PPP2R2B: variants seen among roughly 807,000 people sequenced by gnomAD.
PPP2R2B encodes serine/threonine-protein phosphatase 2A 55 kDa regulatory subunit B beta isoform.
PPP2R2B carries 5 observed loss-of-function variants against 46.0 expected under a neutral mutation model. The ratio of observed to expected loss-of-function variants is 0.11; its 90% CI spans 0.06 to 0.23. The LOEUF is 0.23. Ranked by LOEUF, PPP2R2B falls within the 10% of genes least tolerant of loss-of-function variation. The pLI, the probability that PPP2R2B is intolerant of heterozygous loss-of-function variation, is 1.00. For synonymous variants in PPP2R2B, 215 were observed against 206.7 expected, an observed-to-expected ratio of 1.04 and a Z score of -0.34; for missense variants, 367 against 575.0, an observed-to-expected ratio of 0.64 and a Z score of 3.70.
chr5:146,903,103 T>TA (rs1370157754), intron 1 of PPP2R2B, among the ~76,000 whole-genome samples: 1 of 152,180 alleles, frequency 6.6e-6, no homozygotes, highest in Non-Finnish European at 1.5e-5. Flanking sequence ...AAGAGATTTA[T>TA]AAAAAACATA....
At chr5:146,696,079 G>A (rs1333660364) in intron 4 of PPP2R2B, among the ~76,000 whole-genome samples, 4 of 150,844 alleles carry the variant, frequency 2.7e-5, no homozygotes, top group East Asian at 3.9e-4. Flanking sequence ...CCATCCCCCC[G>A]CCAACAAAGT....
At chr5:147,051,399 G>A (rs1756810289) in intron 1 of PPP2R2B, among the ~76,000 whole-genome samples, 3 of 152,200 alleles carry the variant, frequency 2.0e-5, no homozygotes, top group Admixed American at 2.0e-4. Flanking sequence ...TCATGGTGCT[G>A]AAGCTGCTTC....
At chr5:147,038,366 G>C (rs969593487) in intron 1 of PPP2R2B, among the ~76,000 whole-genome samples, 4 of 152,030 alleles carry the variant, frequency 2.6e-5, no homozygotes, top group Non-Finnish European at 4.4e-5. Context: ...GTGTCCCCTG[G>C]GGATTGAATT....
chr5:147,015,475 G>T (rs1754963264), intron 1 of PPP2R2B, among the ~76,000 whole-genome samples: 1 of 151,426 alleles, frequency 6.6e-6, no homozygotes, highest in African/African-American at 2.4e-5. Context: ...CAATCTGAAG[G>T]TCCAAGTTTT....
intron 2 of PPP2R2B, among the ~76,000 whole-genome samples, chr5:146,845,939 C>T (rs1759976826): frequency 6.6e-6 from 1 of 152,156 alleles, no homozygotes; most frequent in African/African-American, 2.4e-5. Flanking sequence ...CTTGAAATGA[C>T]ACCAGTCTGA....
At chr5:146,824,071 A>G (rs2151337450) in intron 2 of PPP2R2B, among the ~76,000 whole-genome samples, 1 of 152,332 alleles carries the variant, frequency 6.6e-6, no homozygotes, top group South Asian at 2.1e-4. Flanking sequence ...ATAAGCAGCT[A>G]AGCCACAAAT....
chr5:146,646,233 G>A lies in PPP2R2B; in HGVS notation c.625+4314C>T, dbSNP rs12519188. The stretch of plus-strand genomic sequence containing the variant: ...TGAGGGCTAGTCTTTATTTTTACTC[G>A]ATATGGGCCTATTTAATAGATCCCA... On this transcript the variant is annotated intron_variant, in intron 6 of 9. Coordinates refer to ENST00000394411, the MANE Select transcript of PPP2R2B (RefSeq NM_181675.4). Among the ~76,000 whole-genome samples, 414 of 152,206 alleles carry A rather than the reference G, an allele frequency of 2.7e-3. 9 individuals are homozygous for A. The highest frequency in any genetic ancestry group is 0.025 in the Admixed American group (377 of 15,286).
chr5:146,700,562 C>T (rs750951767), intron 3 of PPP2R2B, among the ~76,000 whole-genome samples: 7 of 152,104 alleles, frequency 4.6e-5, no homozygotes, highest in Non-Finnish European at 5.9e-5. Flanking sequence ...TTTACTCAGA[C>T]GCTAGTTTGT....
intron 2 of PPP2R2B, among the ~76,000 whole-genome samples, chr5:146,725,660 C>G (rs1751821212): frequency 3.9e-5 from 6 of 152,180 alleles, no homozygotes; most frequent in Admixed American, 3.9e-4. Flanking sequence ...CAATATGGCA[C>G]TTACTTTATA....
chr5:146,896,555 C>G (rs1434262489), intron 1 of PPP2R2B, among the ~76,000 whole-genome samples: 2 of 152,210 alleles, frequency 1.3e-5, no homozygotes, highest in Non-Finnish European at 2.9e-5. Context: ...AACACCTAAA[C>G]AGTCACCAGG....
chr5:146,670,610 T>G (rs571459345), intron 5 of PPP2R2B, among the ~76,000 whole-genome samples: 1 of 152,046 alleles, frequency 6.6e-6, no homozygotes, highest in Non-Finnish European at 1.5e-5. Flanking sequence ...ATTCTCTTGT[T>G]TTAGCCTTCT....
chr5:146,640,421 C>T lies in PPP2R2B; in HGVS notation c.626-2006G>A, dbSNP rs570066919. Among the ~76,000 whole-genome samples the T allele has an allele frequency of 2.6e-5, 4 of 152,326 alleles. No individual in the cohort carries two copies. In the South Asian group the frequency reaches 8.3e-4, roughly 32 times the overall value. The stretch of plus-strand genomic sequence containing the variant: ...ACATGCTGTGGAGCAAGAGCCTGTG[C>T]CCCTCAGGAGGAGGCTCTAGGCTGC... On this transcript the variant is annotated intron_variant, in intron 6 of 9. Coordinates refer to ENST00000394411, the MANE Select transcript of PPP2R2B (RefSeq NM_181675.4).
intron 2 of PPP2R2B, among the ~76,000 whole-genome samples, chr5:146,812,021 A>C (rs1757583369): frequency 6.6e-6 from 1 of 152,000 alleles, no homozygotes; most frequent in Non-Finnish European, 1.5e-5. Context: ...AATCTAAGAG[A>C]TCAGGAGCCT....
chr5:146,977,214 C>T (rs1251617297), intron 1 of PPP2R2B, among the ~76,000 whole-genome samples: 1 of 152,076 alleles, frequency 6.6e-6, no homozygotes, highest in East Asian at 1.9e-4. Context: ...ATTGTAATAG[C>T]CTTTACTTTA....
chr5:146,879,009 T>A, upstream of PPP2R2B: 1 of 910,020 alleles, frequency 1.1e-6, no homozygotes, highest in Non-Finnish European at 1.4e-6. Flanking sequence ...GGGCCACGTC[T>A]ACGCTAGCAC....
intron 1 of PPP2R2B, among the ~76,000 whole-genome samples, chr5:146,934,792 G>C (rs1164050010): frequency 6.6e-6 from 1 of 151,576 alleles, no homozygotes; most frequent in African/African-American, 2.4e-5. Flanking sequence ...GTGTTGCTGA[G>C]GTGAACAAGG....
chr5:146,935,731 T>C (rs1764117635), intron 1 of PPP2R2B, among the ~76,000 whole-genome samples: 2 of 152,046 alleles, frequency 1.3e-5, no homozygotes, highest in Admixed American at 6.6e-5. Context: ...CTAAAAGAAG[T>C]TTGATATGTC....
At chr5:146,780,473 A>G (rs2151281630) in intron 2 of PPP2R2B, among the ~76,000 whole-genome samples, 1 of 152,320 alleles carries the variant, frequency 6.6e-6, no homozygotes, top group East Asian at 1.9e-4. Flanking sequence ...TTCAGACTTT[A>G]AAGGCTGACT....
At chr5:146,865,293 G>GACACACACACAC (rs36219835) in intron 2 of PPP2R2B, among the ~76,000 whole-genome samples, 6 of 145,922 alleles carry the variant, frequency 4.1e-5, no homozygotes, top group African/African-American at 1.2e-4. Flanking sequence ...CTTTGTCTCT[G>GACACACACACAC]ACACACACAC....
Sources: allele counts gnomAD v4.1 joint callset (sites outside exome capture counted in the v4.1 genomes callset), GRCh38; gene constraint gnomAD v4.1.1; transcripts MANE v1.5; gene names NCBI Gene and HGNC (gene_info 2026-07-23, HGNC 2026-07-21).